PDE1C: variants seen among roughly 807,000 people sequenced by gnomAD.
PDE1C encodes the protein dual specificity calcium/calmodulin-dependent 3',5'-cyclic nucleotide phosphodiesterase 1C.
In PDE1C, 62 loss-of-function variants were observed where a neutral mutation model predicts 93.1. The ratio of observed to expected loss-of-function variants is 0.67; its 90% confidence interval spans 0.54 to 0.82. The LOEUF (loss-of-function observed/expected upper bound fraction) is 0.82. PDE1C is among the 40% of genes least tolerant of loss of function. The pLI is 0.00. For synonymous variants in PDE1C, 325 were observed against 310.1 expected, an observed-to-expected ratio of 1.05 and a Z score of -0.50; for missense variants, 742 against 884.6, an observed-to-expected ratio of 0.84 and a Z score of 2.04.
At chr7:32,052,773 T>C (rs1793566205) in intron 1 of PDE1C, among the ~76,000 whole-genome samples, 1 of 152,138 alleles carries the variant, frequency 6.6e-6, no homozygotes, top group Non-Finnish European at 1.5e-5. Flanking sequence ...AAGCAGCAAG[T>C]AACACAGAAC....
intron 1 of PDE1C, among the ~76,000 whole-genome samples, chr7:32,313,840 C>T (rs1783110077): frequency 6.6e-6 from 1 of 151,668 alleles, no homozygotes; most frequent in Admixed American, 6.6e-5. Context: ...ACCAACATGG[C>T]ACATGTATAT....
At chr7:32,255,528 C>T (rs1206691635) in intron 1 of PDE1C, among the ~76,000 whole-genome samples, 1 of 152,170 alleles carries the variant, frequency 6.6e-6, no homozygotes, top group African/African-American at 2.4e-5. Context: ...CCAATTCTGT[C>T]CCTGAGAATA....
chr7:32,307,018 T>A (rs879807453), intron 1 of PDE1C, among the ~76,000 whole-genome samples: 11 of 152,206 alleles, frequency 7.2e-5, no homozygotes, highest in Non-Finnish European at 1.0e-4. Flanking sequence ...CTCTATCAAC[T>A]CTTCTCACCT....
intron 16 of PDE1C, among the ~76,000 whole-genome samples, chr7:31,782,212 T>TA (rs1164231579): frequency 2.6e-5 from 4 of 152,104 alleles, no homozygotes; most frequent in South Asian, 2.1e-4. Context: ...ATGGAGAAGT[T>TA]AAAAAAACAC....
chr7:32,412,417 C>T (rs1207518239), intron 1 of PDE1C, among the ~76,000 whole-genome samples: 1 of 149,590 alleles, frequency 6.7e-6, no homozygotes, highest in East Asian at 2.0e-4. Context: ...GATCACACCA[C>T]TGCACTACAG....
chr7:31,619,533 T>C, the PDE1C span, among the ~76,000 whole-genome samples: 2 of 55,866 alleles, frequency 3.6e-5, no homozygotes, highest in African/African-American at 1.0e-4. Context: ...ATTTTCAATC[T>C]CCAAAATTTA....
chr7:31,958,198 C>T (rs547438535), intron 2 of PDE1C, among the ~76,000 whole-genome samples: 26 of 152,312 alleles, frequency 1.7e-4, no homozygotes, highest in African/African-American at 5.8e-4. Flanking sequence ...CCTCAGTTTC[C>T]GCTTCCAAGC....
rs192629120 is a variant in PDE1C at position 32,304,815 on chromosome 7, A to T, written c.311-95276T>A. 2.5e-3 allele frequency among the ~76,000 whole-genome samples: 374 copies of T among 152,302 alleles called. 1 individual carries two copies. Among genetic ancestry groups the T allele is most frequent in the Non-Finnish European group, 4.0e-3 (275 of 68,020 alleles). ...AAGACTTACCCTGGACTCAACCCAT[A>T]GTAAACATTCAATTTTACTTATTAT... On this transcript the variant is annotated intron_variant, in intron 1 of 1. Transcript: ENST00000672256.
intron 2 of PDE1C, among the ~76,000 whole-genome samples, chr7:31,904,579 G>T (rs1184855193): frequency 6.6e-6 from 1 of 150,876 alleles, no homozygotes; most frequent in Non-Finnish European, 1.5e-5. Context: ...ATACTACTTC[G>T]ACTCACTATA....
chr7:31,876,447 CATAGAAAAGAGGCTTCAATTTGG>C (rs537642857), intron 5 of PDE1C, among the ~76,000 whole-genome samples: 2 of 152,198 alleles, frequency 1.3e-5, no homozygotes, highest in East Asian at 1.9e-4. Flanking sequence ...AGTTATTCTG[CATAGAAAAGAGGCTTCAATTTGG>C]ATAGAAAAGA....
chr7:31,709,574 T>G, the PDE1C span, among the ~76,000 whole-genome samples: 4 of 152,074 alleles, frequency 2.6e-5, no homozygotes, highest in African/African-American at 9.7e-5. Context: ...GGGGATCCCA[T>G]CAGTTATATG....
At chr7:31,883,868 T>C (rs185749033) in intron 2 of PDE1C, among the ~76,000 whole-genome samples, 317 of 152,324 alleles carry the variant, frequency 2.1e-3, no homozygotes, top group African/African-American at 7.1e-3. Flanking sequence ...GGCTTCTCCC[T>C]GATGTAGTCA....
chr7:31,818,545 A>G (rs1165738582), intron 14 of PDE1C, among the ~76,000 whole-genome samples: 4 of 152,210 alleles, frequency 2.6e-5, no homozygotes. Context: ...ATCTGTATGT[A>G]TCTTCATCAG....
intron 1 of PDE1C, among the ~76,000 whole-genome samples, chr7:32,412,861 A>G (rs6974638): frequency 0.15 from 22,554 of 152,154 alleles, 3,266 homozygotes; most frequent in African/African-American, 0.37. Context: ...TGTATGATTG[A>G]TTCCATTTAT....
At chr7:32,186,189 G>T (rs1054592064) in intron 2 of PDE1C, among the ~76,000 whole-genome samples, 56 of 145,394 alleles carry the variant, frequency 3.9e-4, no homozygotes, top group Admixed American at 1.6e-3. Context: ...TGCAAGCTCC[G>T]CCTCCCGGGT....
the PDE1C span, among the ~76,000 whole-genome samples, chr7:31,682,451 T>C: frequency 1.3e-5 from 2 of 151,984 alleles, no homozygotes; most frequent in Non-Finnish European, 2.9e-5. Context: ...TCAAAATGGG[T>C]AAAACAAAAA....
intron 3 of PDE1C, among the ~76,000 whole-genome samples, chr7:32,117,482 A>G (rs1047371160): frequency 1.3e-5 from 2 of 152,236 alleles, no homozygotes; most frequent in Non-Finnish European, 2.9e-5. Context: ...TATCAGAGCC[A>G]TAACTGGAAC....
At chr7:31,901,754 T>C (rs1441035888) in intron 2 of PDE1C, among the ~76,000 whole-genome samples, 2 of 151,730 alleles carry the variant, frequency 1.3e-5, no homozygotes, top group South Asian at 2.1e-4. Context: ...TACAGCACTA[T>C]TGTCAATATT....
intron 1 of PDE1C, among the ~76,000 whole-genome samples, chr7:32,292,694 T>C (rs59277657): frequency 0.056 from 8,459 of 152,256 alleles, 810 homozygotes; most frequent in African/African-American, 0.19. Flanking sequence ...GAGACTGTTA[T>C]ATTCTGGACT....
Sources: allele counts gnomAD v4.1 joint callset (sites outside exome capture counted in the v4.1 genomes callset), GRCh38; gene constraint gnomAD v4.1.1; transcripts MANE v1.5; gene names NCBI Gene and HGNC (gene_info 2026-07-23, HGNC 2026-07-21).